Variants in ANK2 observed in about 807,000 individuals in gnomAD.
The protein encoded by ANK2 is ankyrin 2, also known as ankyrin-2.
ANK2 carries 83 observed loss-of-function variants against 360.5 expected under a neutral mutation model. The ratio of observed to expected loss-of-function variants is 0.23; its 90% confidence interval spans 0.19 to 0.28. ANK2 has a LOEUF of 0.28. Among genes scored for constraint, ANK2 ranks in the 10% least tolerant of loss-of-function variants. ANK2 has a pLI of 1.00. For synonymous variants in ANK2, 1,740 were observed against 1,759.5 expected (o/e 0.99, Z 0.28); for missense variants, 4,201 against 4,795.7 (o/e 0.88, Z 3.66).
chr4:113,354,347 C>T lies in ANK2; in HGVS notation c.5729C>T (p.Thr1910Ile), dbSNP rs746394404. The T allele has an allele frequency of 1.2e-6, 2 of 1,614,122 alleles. No homozygotes were observed. The change falls in exon 38 of 46, where the codon ACA becomes ATA. Residue 1910 changes from threonine to isoleucine, a missense_variant. Physicochemically the swap from Thr to Ile is moderately conservative, Grantham distance 89. Coordinates refer to ENST00000357077, the MANE Select transcript of ANK2 (RefSeq NM_001148.6). ...RHPPVSPSGK[T>I]DKRPPVSPSG... ...CCACCTGTTTCGCCTTCAGGCAAAA[C>T]AGACAAACGTCCACCTGTATCGCCC...
intron 1 of ANK2, among the ~76,000 whole-genome samples, chr4:113,157,906 A>C (rs961075120): frequency 5.3e-5 from 8 of 152,226 alleles, no homozygotes; most frequent in African/African-American, 1.9e-4. Context: ...AAGCTTAAGA[A>C]GATTAAATAA....
At chr4:112,890,555 G>GTTTTTT (rs1383564163) in intron 1 of ANK2, among the ~76,000 whole-genome samples, 2 of 104,610 alleles carry the variant, frequency 1.9e-5, no homozygotes, top group African/African-American at 3.8e-5. Flanking sequence ...ACATTTCTGT[G>GTTTTTT]GTTTTTTTTT....
At chr4:112,846,417 A>G (rs1579566616) in intron 1 of ANK2, among the ~76,000 whole-genome samples, 1 of 152,170 alleles carries the variant, frequency 6.6e-6, no homozygotes, top group Non-Finnish European at 1.5e-5. Flanking sequence ...ACCCAACCCT[A>G]TTAACTTTTA....
intron 2 of ANK2, among the ~76,000 whole-genome samples, chr4:112,914,643 A>C (rs2089069427): frequency 1.3e-5 from 2 of 152,104 alleles, no homozygotes; most frequent in Admixed American, 1.3e-4. Context: ...AGTGAACTAA[A>C]ATCTGATTTT....
intron 1 of ANK2, among the ~76,000 whole-genome samples, chr4:113,090,632 C>T (rs1189233905): frequency 6.6e-6 from 1 of 152,192 alleles, no homozygotes; most frequent in Non-Finnish European, 1.5e-5. Flanking sequence ...GACCAAGCCA[C>T]AGGCATATTC....
At chr4:113,033,725 T>TA (rs1431711413) in intron 2 of ANK2, 1 of 151,934 alleles carries the variant, frequency 6.6e-6, no homozygotes, top group Non-Finnish European at 1.5e-5. Context: ...CTCTTTATGA[T>TA]AAAAAACAAA....
At chr4:113,138,099 A>T (rs1026310124) in intron 1 of ANK2, among the ~76,000 whole-genome samples, 1 of 152,230 alleles carries the variant, frequency 6.6e-6, no homozygotes, top group African/African-American at 2.4e-5. Context: ...TTCAGTATGA[A>T]TAATATATGA....
chr4:112,808,679 T>C, the ANK2 span, among the ~76,000 whole-genome samples: 14 of 151,934 alleles, frequency 9.2e-5, no homozygotes, highest in Non-Finnish European at 1.0e-4. Context: ...AAATAGACAA[T>C]AATGACTTTG....
chr4:113,329,313 A>G (rs897079968), intron 26 of ANK2, among the ~76,000 whole-genome samples: 1 of 152,228 alleles, frequency 6.6e-6, no homozygotes, highest in Non-Finnish European at 1.5e-5. Context: ...CTTCAAAGTT[A>G]AGACAAACCC....
At chr4:112,746,491 G>T in the ANK2 span, among the ~76,000 whole-genome samples, 1 of 137,422 alleles carries the variant, frequency 7.3e-6, no homozygotes, top group Non-Finnish European at 1.5e-5. Context: ...TTGGGCAACC[G>T]AGTGAGATGC....
At chr4:112,822,732 G>A (rs1369439538) in intron 1 of ANK2, among the ~76,000 whole-genome samples, 1 of 146,762 alleles carries the variant, frequency 6.8e-6, no homozygotes. Flanking sequence ...GTGACAGAGT[G>A]TAACCCTGTC....
chr4:112,887,671 A>G (rs1214043377), intron 1 of ANK2, among the ~76,000 whole-genome samples: 1 of 152,118 alleles, frequency 6.6e-6, no homozygotes, highest in Non-Finnish European at 1.5e-5. Flanking sequence ...TTAAATTATG[A>G]GTTTTCATAG....
At chr4:113,273,559 A>C (rs2059244582) in intron 14 of ANK2, among the ~76,000 whole-genome samples, 1 of 152,214 alleles carries the variant, frequency 6.6e-6, no homozygotes, top group African/African-American at 2.4e-5. Flanking sequence ...TAGCCCTGAA[A>C]GTCAGCCCAG....
chr4:112,736,199 A>G, the ANK2 span, among the ~76,000 whole-genome samples: 1 of 152,190 alleles, frequency 6.6e-6, no homozygotes, highest in Non-Finnish European at 1.5e-5. Context: ...GCGGTGGCTC[A>G]TGCCTGTAAT....
intron 5 of ANK2, among the ~76,000 whole-genome samples, chr4:113,233,379 C>T (rs908416343): frequency 2.2e-4 from 33 of 151,488 alleles, no homozygotes; most frequent in African/African-American, 7.8e-4. Context: ...TCGTGATCCG[C>T]CCGCCTCGGC....
intron 2 of ANK2, among the ~76,000 whole-genome samples, chr4:113,028,698 A>T (rs1452306235): frequency 6.6e-6 from 1 of 152,166 alleles, no homozygotes; most frequent in African/African-American, 2.4e-5. Context: ...ACCTTGTCCT[A>T]CTAAGATAAC....
At chr4:112,954,794 T>C (rs550713242) in intron 2 of ANK2, among the ~76,000 whole-genome samples, 1 of 152,314 alleles carries the variant, frequency 6.6e-6, no homozygotes, top group African/African-American at 2.4e-5. Flanking sequence ...TCATACAGTA[T>C]TATAAATGGA....
In ANK2 at chr4:113,353,550, G is replaced by A. The variant is rs1240727987; in HGVS notation, c.4932G>A (p.Leu1644=). ...TAGTGAACTACCTTACTGATGATCT[G>A]AATACCTGTGTGCCTCTTCCCAAAG... ...TGLVNYLTDD[L]NTCVPLPKEQ... is the part of the protein sequence containing the mutation. The change falls in exon 38 of 46, where the codon CTG becomes CTA. Residue 1644 remains leucine, a synonymous_variant. Transcript: ENST00000357077. 1 of 1,613,944 alleles carries A rather than the reference G, an allele frequency of 6.2e-7. No homozygotes were observed. Among genetic ancestry groups the A allele is most frequent in the Non-Finnish European group, 8.5e-7 (1 of 1,179,970 alleles).
chr4:113,176,487 G>A (rs2098205940), intron 2 of ANK2, among the ~76,000 whole-genome samples: 1 of 151,150 alleles, frequency 6.6e-6, no homozygotes, highest in Admixed American at 6.6e-5. Context: ...TGTTCTTTTG[G>A]ACAAATAATT....
Sources: gnomAD v4.1 joint callset for allele counts (sites outside exome capture counted in the v4.1 genomes callset) on GRCh38, gnomAD v4.1.1 for gene constraint, MANE v1.5 for transcripts, NCBI Gene and HGNC (gene_info 2026-07-23, HGNC 2026-07-21) for gene names.